CLNK: variants seen among roughly 807,000 people sequenced by gnomAD.
The protein encoded by CLNK is cytokine-dependent hematopoietic cell linker.
CLNK carries 74 observed loss-of-function variants against 68.6 expected under a neutral mutation model. The observed-to-expected ratio is 1.08, with a 90% CI of 0.89 to 1.31. The LOEUF is 1.31. CLNK is among the 50% of genes most tolerant of loss of function. The pLI is 0.00. For missense variants in CLNK, 553 were observed against 515.3 expected (o/e 1.07, Z -0.71); for synonymous variants, 198 against 172.2 (o/e 1.15, Z -1.17).
intron 17 of CLNK, among the ~76,000 whole-genome samples, chr4:10,503,975 G>T (rs1717172024): frequency 6.6e-6 from 1 of 151,106 alleles, no homozygotes; most frequent in African/African-American, 2.4e-5. Context: ...TAGAGACGGG[G>T]TTTCACCATG....
At chr4:10,635,841 A>T (rs1360176556) in intron 2 of CLNK, 1 of 152,148 alleles carries the variant, frequency 6.6e-6, no homozygotes, top group Non-Finnish European at 1.5e-5. Context: ...CTGTCTCCAA[A>T]ATCCGTGTTC....
intron 15 of CLNK, among the ~76,000 whole-genome samples, chr4:10,516,591 T>G (rs977933173): frequency 6.6e-6 from 1 of 150,378 alleles, no homozygotes; most frequent in Admixed American, 6.6e-5. Context: ...TTGCTTTTGT[T>G]GCCCAGGCTG....
At chr4:10,619,235 A>G (rs1722337465) in intron 2 of CLNK, among the ~76,000 whole-genome samples, 1 of 152,218 alleles carries the variant, frequency 6.6e-6, no homozygotes, top group South Asian at 2.1e-4. Flanking sequence ...GCTATCTCCA[A>G]AGGCAATCGC....
intron 2 of CLNK, among the ~76,000 whole-genome samples, chr4:10,637,460 G>T (rs1723135866): frequency 1.6e-5 from 2 of 128,834 alleles, no homozygotes; most frequent in South Asian, 2.4e-4. Context: ...TTTTTGGCAG[G>T]GTTGTTTCTT....
At chr4:10,496,873 C>A (rs1184192767) in intron 18 of CLNK, among the ~76,000 whole-genome samples, 1 of 152,206 alleles carries the variant, frequency 6.6e-6, no homozygotes, top group Non-Finnish European at 1.5e-5. Context: ...ATTTAAACCG[C>A]AGAAAATTCT....
At chr4:10,597,948 C>G (rs1721446445) in intron 3 of CLNK, 30 bp downstream of exon 3, 1 of 1,451,382 alleles carries the variant, frequency 6.9e-7, no homozygotes, top group Non-Finnish European at 9.4e-7. Context: ...ATTTTCACTC[C>G]TCTATTAATA....
At chr4:10,687,112 C>A (rs752272528), upstream of CLNK, among the ~76,000 whole-genome samples, 2 of 151,698 alleles carry the variant, frequency 1.3e-5, no homozygotes, top group African/African-American at 2.4e-5. Context: ...ATGAATAGTG[C>A]CTGATCAGAC....
intron 2 of CLNK, among the ~76,000 whole-genome samples, chr4:10,617,133 C>T (rs919791697): frequency 1.3e-5 from 2 of 152,084 alleles, no homozygotes; most frequent in Non-Finnish European, 2.9e-5. Flanking sequence ...AGAATAGCAA[C>T]ACAAAAGAAA....
the CLNK span, among the ~76,000 whole-genome samples, chr4:10,693,908 A>G: frequency 6.6e-6 from 1 of 152,056 alleles, no homozygotes; most frequent in Non-Finnish European, 1.5e-5. Context: ...GCAGTTTGAA[A>G]CCATTTTGCA....
upstream of CLNK, chr4:10,685,141 G>T (rs1389871852): frequency 6.6e-6 from 1 of 152,104 alleles, no homozygotes. Flanking sequence ...ATGGCTTCCT[G>T]AGACCATCCC....
chr4:10,700,672 C>T, the CLNK span, among the ~76,000 whole-genome samples: 1 of 152,240 alleles, frequency 6.6e-6, no homozygotes, highest in South Asian at 2.1e-4. Context: ...CCACGTGACC[C>T]TTTATTTGGT....
chr4:10,668,787 G>A (rs1724512862), intron 1 of CLNK, among the ~76,000 whole-genome samples: 1 of 152,150 alleles, frequency 6.6e-6, no homozygotes, highest in Non-Finnish European at 1.5e-5. Flanking sequence ...CAGGGAGGGA[G>A]CTGTGTTGGG....
chr4:10,693,854 G>C, the CLNK span, among the ~76,000 whole-genome samples: 3 of 152,108 alleles, frequency 2.0e-5, no homozygotes, highest in African/African-American at 7.2e-5. Context: ...GATTTCTTAG[G>C]GATGCATATG....
chr4:10,699,353 C>CAACATACGTGTGTGTAT, the CLNK span, among the ~76,000 whole-genome samples: 1 of 118,372 alleles, frequency 8.4e-6, no homozygotes, highest in Non-Finnish European at 2.0e-5. Context: ...TACACACACA[C>CAACATACGTGTGTGTAT]ACACACAGTC....
the CLNK span, chr4:10,697,800 A>AAATTTTGAT: frequency 6.6e-6 from 1 of 152,158 alleles, no homozygotes; most frequent in Admixed American, 6.6e-5. Flanking sequence ...CAATCCTTCT[A>AAATTTTGAT]CATTTTGATC....
At chr4:10,649,000 T>C (rs1160873190) in intron 2 of CLNK, among the ~76,000 whole-genome samples, 1 of 152,174 alleles carries the variant, frequency 6.6e-6, no homozygotes, top group Non-Finnish European at 1.5e-5. Flanking sequence ...TGTATTTGAA[T>C]AGGAAGAGCA....
chr4:10,528,075 C>A lies in CLNK; in HGVS notation c.649+1G>T, dbSNP rs1466114705. 3 of 1,358,658 alleles carry A rather than the reference C, an allele frequency of 2.2e-6. No homozygotes were observed. Among genetic ancestry groups the A allele is most frequent in the Middle Eastern group, 3.8e-4 (2 of 5,302 alleles). The allele number at this position is 1,358,658 out of a possible 1,614,324, so 84.2% of individuals were successfully genotyped here. On this transcript the variant is annotated splice_donor_variant, in intron 13 of 18. Transcript: ENST00000226951. LOFTEE classifies it high-confidence loss of function. ...TAAGAAAACAAATGTAAACAATTCACCTTTTTCTGCTTCAAGGACCTGTAT... is the reference window on the plus strand; with the variant it reads ...TAAGAAAACAAATGTAAACAATTCAACTTTTTCTGCTTCAAGGACCTGTAT...
chr4:10,580,047 C>G (rs1167558009), intron 4 of CLNK, among the ~76,000 whole-genome samples: 3 of 152,162 alleles, frequency 2.0e-5, no homozygotes, highest in Admixed American at 6.6e-5. Flanking sequence ...TTCTTCCTTC[C>G]TTCTTTCTTG....
intron 4 of CLNK, among the ~76,000 whole-genome samples, chr4:10,574,174 A>T (rs1720461384): frequency 6.6e-6 from 1 of 152,052 alleles, no homozygotes; most frequent in Non-Finnish European, 1.5e-5. Context: ...AGTTCATGTC[A>T]CTCATGGCCC....
Sources: allele counts gnomAD v4.1 joint callset (sites outside exome capture counted in the v4.1 genomes callset), GRCh38; gene constraint gnomAD v4.1.1; transcripts MANE v1.5; gene names NCBI Gene and HGNC (gene_info 2026-07-23, HGNC 2026-07-21).